ADCY8: variants seen among roughly 807,000 people sequenced by gnomAD.
ADCY8 encodes the protein adenylate cyclase 8.
Under a neutral mutation model 119.7 loss-of-function variants are expected in ADCY8, and 51 were observed. That is an observed-to-expected ratio of 0.43 (90% CI 0.34 to 0.54). ADCY8 has a LOEUF of 0.54. ADCY8 is among the 20% of genes least tolerant of loss of function. ADCY8 has a pLI of 0.03. For synonymous variants in ADCY8, 665 were observed against 651.0 expected (o/e 1.02, Z -0.33); for missense variants, 1,383 against 1,598.8 (o/e 0.87, Z 2.30).
intron 11 of ADCY8, among the ~76,000 whole-genome samples, chr8:130,840,075 G>T (rs905115962): frequency 1.4e-5 from 2 of 139,668 alleles, no homozygotes; most frequent in African/African-American, 4.9e-5. Flanking sequence ...GGAGTCAGAG[G>T]TAGCACTAAT....
intron 11 of ADCY8, among the ~76,000 whole-genome samples, chr8:130,841,864 G>A (rs1026787197): frequency 6.6e-6 from 1 of 152,176 alleles, no homozygotes; most frequent in African/African-American, 2.4e-5. Flanking sequence ...GTAGCTCTTG[G>A]CATAAGCAAC....
Position 130,854,368 on chromosome 8 carries a change from C to T in ADCY8, c.2211-4565G>A, listed in dbSNP as rs565162270. ...GTCCTAATTATTCTCTGCAGTCTGT[C>T]TTTAAAATGGTTTGTATTGATATTG... On this transcript the variant is annotated intron_variant, in intron 9 of 17. Coordinates refer to ENST00000286355, the MANE Select transcript of ADCY8 (RefSeq NM_001115.3). Among the ~76,000 whole-genome samples the T allele has an allele frequency of 3.0e-4, 46 of 152,324 alleles. No individual in the cohort carries two copies. In the South Asian group the frequency reaches 9.5e-3, roughly 32 times the overall value.
intron 14 of ADCY8, among the ~76,000 whole-genome samples, chr8:130,804,701 G>C (rs1170483715): frequency 6.6e-6 from 1 of 151,986 alleles, no homozygotes; most frequent in Non-Finnish European, 1.5e-5. Context: ...CTTAACGATT[G>C]TTTGTCTCCC....
At chr8:130,850,439 A>C (rs1817485710) in intron 9 of ADCY8, among the ~76,000 whole-genome samples, 1 of 152,136 alleles carries the variant, frequency 6.6e-6, no homozygotes, top group South Asian at 2.1e-4. Flanking sequence ...ATGCTTAGTC[A>C]GTCTGTGATC....
intron 11 of ADCY8, among the ~76,000 whole-genome samples, chr8:130,837,406 G>C (rs574617784): frequency 2.7e-4 from 41 of 152,322 alleles, no homozygotes; most frequent in Non-Finnish European, 4.9e-4. Flanking sequence ...GCAAATGTCA[G>C]CTTAGGTGTT....
intron 1 of ADCY8, among the ~76,000 whole-genome samples, chr8:131,036,259 A>C (rs1448931598): frequency 6.6e-6 from 1 of 152,172 alleles, no homozygotes; most frequent in African/African-American, 2.4e-5. Flanking sequence ...TGATGCACAT[A>C]AGGGTGCTTA....
At chr8:130,904,360 CAG>C (rs957588404) in intron 6 of ADCY8, among the ~76,000 whole-genome samples, 3 of 85,992 alleles carry the variant, frequency 3.5e-5, no homozygotes, top group African/African-American at 1.4e-4. Flanking sequence ...CTTTACAAAA[CAG>C]TGATTTTTTT....
chr8:130,978,110 A>C (rs1165321565), intron 2 of ADCY8, among the ~76,000 whole-genome samples: 1 of 152,190 alleles, frequency 6.6e-6, no homozygotes, highest in Non-Finnish European at 1.5e-5. Flanking sequence ...GAAAATGACT[A>C]TAATGAAATA....
At position 130,992,382 on chromosome 8, in the gene ADCY8, C is replaced by CACATAT. The variant is rs1563758967; in HGVS notation, c.961-1841_961-1840insATATGT. ...TACATACATGAGCAACTGTATCTGGCATATATATATATATATATATATATA... is the reference window on the plus strand; with the variant it reads ...TACATACATGAGCAACTGTATCTGGCACATATATATATATATATATATATATATATA... On this transcript the variant is annotated intron_variant, in intron 1 of 17. Transcript: ENST00000286355. 2.6e-4 allele frequency among the ~76,000 whole-genome samples: 20 copies of CACATAT among 78,078 alleles called. 2 individuals carry two copies. Among genetic ancestry groups the CACATAT allele is most frequent in the African/African-American group, 1.0e-3 (19 of 18,754 alleles). The allele number at this position is 78,078 out of a possible 152,430, so 51.2% of individuals were successfully genotyped here.
rs895858203 is a variant in ADCY8 at position 130,787,791 on chromosome 8, GCA to G, written c.3061-2318_3061-2317del. ...CATGTATGTGTGCCTGTGTGTGGGT[GCA>G]CACACACATGTGTGTTGTTTATGTG... On this transcript the variant is annotated intron_variant, in intron 15 of 17. Transcript: ENST00000286355. 3.0e-3 allele frequency among the ~76,000 whole-genome samples: 460 copies of G among 151,436 alleles called. 2 individuals carry two copies. The highest frequency in any genetic ancestry group is 0.01 in the African/African-American group (428 of 40,840).
intron 2 of ADCY8, among the ~76,000 whole-genome samples, chr8:130,978,733 C>T (rs1483221266): frequency 6.6e-6 from 1 of 152,158 alleles, no homozygotes; most frequent in African/African-American, 2.4e-5. Context: ...AAAATCTCCT[C>T]TTGTTTTTAA....
At chr8:130,796,102 G>A (rs1815571655) in intron 15 of ADCY8, among the ~76,000 whole-genome samples, 1 of 152,166 alleles carries the variant, frequency 6.6e-6, no homozygotes, top group Admixed American at 6.5e-5. Context: ...TCTGCTGGTG[G>A]TGGACTGATC....
chr8:130,894,308 A>G (rs562934980), intron 7 of ADCY8, among the ~76,000 whole-genome samples: 10 of 152,206 alleles, frequency 6.6e-5, no homozygotes, highest in Admixed American at 5.9e-4. Flanking sequence ...AACTTTCCCA[A>G]CACACACATT....
rs191842907 is a variant in ADCY8, at chr8:130,783,029, C to T, written c.3268+662G>A. Among the ~76,000 whole-genome samples the T allele has an allele frequency of 7.7e-4, 117 of 152,282 alleles. 1 individual carries two copies. The East Asian group carries it at 0.018, about 23-fold the overall frequency. On this transcript the variant is annotated intron_variant, in intron 17 of 17. Transcript: ENST00000286355. ...CTCCCTTTTCATAGGCCCGCATTTA[C>T]TCATCTACAAAATGAGAATGTGGAC...
chr8:130,795,789 G>T (rs1202814426), intron 15 of ADCY8, among the ~76,000 whole-genome samples: 1 of 152,034 alleles, frequency 6.6e-6, no homozygotes, highest in African/African-American at 2.4e-5. Context: ...TGGTGTGTGT[G>T]TGTGTGTGTT....
chr8:130,890,026 C>A (rs1586537916), intron 7 of ADCY8, among the ~76,000 whole-genome samples: 1 of 152,078 alleles, frequency 6.6e-6, no homozygotes, highest in South Asian at 2.1e-4. Context: ...AGGCCAGGCA[C>A]TGTGTTTTAT....
chr8:130,957,225 G>T (rs996986869), intron 2 of ADCY8, among the ~76,000 whole-genome samples: 3 of 152,172 alleles, frequency 2.0e-5, no homozygotes, highest in Non-Finnish European at 2.9e-5. Context: ...GGTCTCAGAT[G>T]GAGATCAGGA....
intron 2 of ADCY8, among the ~76,000 whole-genome samples, chr8:130,975,830 T>C (rs1265685953): frequency 6.6e-6 from 1 of 152,180 alleles, no homozygotes; most frequent in Non-Finnish European, 1.5e-5. Flanking sequence ...AATTCTAACA[T>C]TGAAAGATCA....
intron 1 of ADCY8, among the ~76,000 whole-genome samples, chr8:131,037,302 G>A (rs970422413): frequency 2.6e-5 from 4 of 152,010 alleles, no homozygotes; most frequent in Admixed American, 6.6e-5. Context: ...ATGAGATGAG[G>A]GTGGGAAGAC....
Sources: allele counts gnomAD v4.1 joint callset (sites outside exome capture counted in the v4.1 genomes callset), GRCh38; gene constraint gnomAD v4.1.1; transcripts MANE v1.5; gene names NCBI Gene and HGNC (gene_info 2026-07-23, HGNC 2026-07-21).